The following SV2C variants were observed in gnomAD, a reference collection of about 807,000 sequenced individuals.
SV2C encodes the protein synaptic vesicle glycoprotein 2C, also known as solute carrier family 22 member B3.
SV2C carries 49 observed loss-of-function variants against 79.7 expected under a neutral mutation model. The ratio of observed to expected loss-of-function variants is 0.61; its 90% CI spans 0.49 to 0.78. SV2C has a LOEUF of 0.78. Ranked by LOEUF, SV2C falls within the 30% of genes least tolerant of loss-of-function variation. SV2C has a pLI of 0.00. For synonymous variants in SV2C, 334 were observed against 333.2 expected (o/e 1.00, Z -0.03); for missense variants, 833 against 912.9 (o/e 0.91, Z 1.13).
the SV2C span, among the ~76,000 whole-genome samples, chr5:75,928,358 G>A: frequency 1.0e-3 from 154 of 152,318 alleles, 1 homozygote; most frequent in African/African-American, 3.7e-3. Context: ...CTGCAGAAAT[G>A]TTGGGAGTTT....
chr5:75,889,512 T>A, the SV2C span, among the ~76,000 whole-genome samples: 1 of 152,138 alleles, frequency 6.6e-6, no homozygotes, highest in Non-Finnish European at 1.5e-5. Context: ...GATGGGCATT[T>A]GGGTTGGTTC....
chr5:76,274,422 G>C (rs1254756322), intron 4 of SV2C, among the ~76,000 whole-genome samples: 1 of 151,956 alleles, frequency 6.6e-6, no homozygotes, highest in Non-Finnish European at 1.5e-5. Flanking sequence ...TCATTTTCTA[G>C]ATATGTTTTA....
chr5:76,122,848 G>A (rs770851032), intron 1 of SV2C, among the ~76,000 whole-genome samples: 1 of 152,020 alleles, frequency 6.6e-6, no homozygotes, highest in African/African-American at 2.4e-5. Context: ...TCAAAAGCTA[G>A]CAGAAGGCAA....
At chr5:76,163,619 C>A (rs547765839) in intron 2 of SV2C, among the ~76,000 whole-genome samples, 1 of 152,190 alleles carries the variant, frequency 6.6e-6, no homozygotes, top group East Asian at 1.9e-4. Context: ...GCTCCATTAG[C>A]CCTGCAGTTC....
intron 1 of SV2C, among the ~76,000 whole-genome samples, chr5:76,102,734 C>G (rs73130230): frequency 0.022 from 3,279 of 152,210 alleles, 125 homozygotes; most frequent in African/African-American, 0.076. Context: ...CATGTGAGAG[C>G]CTTATAAAGA....
the SV2C span, among the ~76,000 whole-genome samples, chr5:76,071,046 A>G: frequency 6.6e-6 from 1 of 152,056 alleles, no homozygotes. Flanking sequence ...ATGTGACTCC[A>G]CCTCCCGTGG....
At chr5:76,046,977 G>C in the SV2C span, among the ~76,000 whole-genome samples, 4 of 152,212 alleles carry the variant, frequency 2.6e-5, no homozygotes, top group Non-Finnish European at 4.4e-5. Context: ...TCTTAACTGA[G>C]TGCTTACATG....
intron 4 of SV2C, among the ~76,000 whole-genome samples, chr5:76,284,446 C>T (rs1396038505): frequency 1.3e-5 from 2 of 151,992 alleles, no homozygotes; most frequent in African/African-American, 2.4e-5. Flanking sequence ...TCAAAAGGGG[C>T]CGTGGAAAGG....
intron 1 of SV2C, among the ~76,000 whole-genome samples, chr5:76,095,936 A>G (rs1221181429): frequency 3.3e-5 from 5 of 152,186 alleles, no homozygotes; most frequent in African/African-American, 1.2e-4. Context: ...TTAAAATCTA[A>G]AAGGATAAAT....
the SV2C span, among the ~76,000 whole-genome samples, chr5:76,051,776 G>A: frequency 6.6e-6 from 1 of 151,960 alleles, no homozygotes. Flanking sequence ...GTGGGACTAG[G>A]AATAAAGTTT....
intron 12 of SV2C, among the ~76,000 whole-genome samples, chr5:76,341,271 C>T (rs890857994): frequency 3.3e-5 from 5 of 152,142 alleles, no homozygotes; most frequent in African/African-American, 1.2e-4. Flanking sequence ...CACATGGTGG[C>T]TCACACCTGT....
the SV2C span, among the ~76,000 whole-genome samples, chr5:75,873,709 T>C: frequency 7.6e-3 from 1,152 of 152,068 alleles, 31 homozygotes; most frequent in East Asian, 0.071. Context: ...TTTGTGCAAC[T>C]AGAAATGATG....
chr5:76,243,012 TAAAAAAAAAAAAAAAA>T (rs559052290), intron 4 of SV2C, among the ~76,000 whole-genome samples: 4 of 49,926 alleles, frequency 8.0e-5, no homozygotes, highest in Admixed American at 3.0e-4. Flanking sequence ...AGACCCCATC[TAAAAAAAAAAAAAAAA>T]AAAAAAAAAA....
intron 4 of SV2C, among the ~76,000 whole-genome samples, chr5:76,262,825 T>A (rs951230950): frequency 6.6e-6 from 1 of 152,214 alleles, no homozygotes; most frequent in African/African-American, 2.4e-5. Flanking sequence ...TTCTTTTGCA[T>A]TTGCTGAGGA....
At chr5:75,888,680 T>C in the SV2C span, among the ~76,000 whole-genome samples, 1 of 152,106 alleles carries the variant, frequency 6.6e-6, no homozygotes, top group Middle Eastern at 3.2e-3. Flanking sequence ...CTACCTGTCT[T>C]GGCATTCTGT....
At chr5:76,232,536 T>C (rs558409168) in intron 4 of SV2C, among the ~76,000 whole-genome samples, 95 of 151,024 alleles carry the variant, frequency 6.3e-4, no homozygotes, top group African/African-American at 2.1e-3. Flanking sequence ...TGAATGGTAA[T>C]GCCTAGGTTT....
chr5:76,278,509 A>G (rs1433278374), intron 4 of SV2C, among the ~76,000 whole-genome samples: 2 of 152,246 alleles, frequency 1.3e-5, no homozygotes, highest in Admixed American at 6.5e-5. Context: ...CAAGACTCCT[A>G]GGGGACAACA....
At chr5:76,044,641 T>C in the SV2C span, among the ~76,000 whole-genome samples, 16 of 152,358 alleles carry the variant, frequency 1.1e-4, no homozygotes, top group Middle Eastern at 6.8e-3. Flanking sequence ...TGGTTTTGAT[T>C]TGCATTTCTC....
chr5:75,854,381 C>G, the SV2C span, among the ~76,000 whole-genome samples: 1 of 152,040 alleles, frequency 6.6e-6, no homozygotes, highest in Non-Finnish European at 1.5e-5. Context: ...GGTAAAATAC[C>G]TAGGACTGAA....
Sources: allele counts gnomAD v4.1 joint callset (sites outside exome capture counted in the v4.1 genomes callset), GRCh38; gene constraint gnomAD v4.1.1; transcripts MANE v1.5; gene names NCBI Gene and HGNC (gene_info 2026-07-23, HGNC 2026-07-21).